MARCHF10: variants seen among roughly 807,000 people sequenced by gnomAD.
The protein encoded by MARCHF10 is membrane associated ring-CH-type finger 10.
MARCHF10 carries 64 observed loss-of-function variants against 76.2 expected under a neutral mutation model. That is an observed-to-expected ratio of 0.84 (90% CI 0.69 to 1.03). The LOEUF (loss-of-function observed/expected upper bound fraction) is 1.03. MARCHF10 is among the 50% of genes least tolerant of loss of function. The probability of loss-of-function intolerance (pLI) is 0.00; values close to 1 mark genes in which losing one functional copy is unlikely to be tolerated. For synonymous variants in MARCHF10, 340 were observed against 357.5 expected (o/e 0.95, Z 0.55); for missense variants, 875 against 958.0 (o/e 0.91, Z 1.14).
chr17:62,765,914 G>A (rs1193775622), intron 3 of MARCHF10, among the ~76,000 whole-genome samples: 1 of 152,074 alleles, frequency 6.6e-6, no homozygotes, highest in Non-Finnish European at 1.5e-5. Flanking sequence ...TTTAAAAACC[G>A]GAATGCAGCT....
intron 10 of MARCHF10, 146 bp from the exon 11 acceptor site, chr17:62,701,904 G>T: frequency 9.4e-7 from 1 of 1,066,050 alleles, no homozygotes; most frequent in Admixed American, 1.9e-5. Flanking sequence ...GAACCGTGTG[G>T]GGAACAGAGA....
In MARCHF10 at chr17:62,773,230, T is replaced by C. The variant is rs116185152; in HGVS notation, c.211-13224A>G. Among the ~76,000 whole-genome samples the C allele has an allele frequency of 6.7e-3, 1,015 of 152,146 alleles. 7 individuals are homozygous for C. The highest frequency in any genetic ancestry group is 0.023 in the African/African-American group (957 of 41,500). ...ACAATGGGAAACCAAGAGGAGCAGG[T>C]GGCTTTGCAGAAGCTCAGAAGGACA... is the stretch of plus-strand genomic sequence containing the variant. On this transcript the variant is annotated intron_variant, in intron 3 of 10. Coordinates refer to ENST00000311269, the MANE Select transcript of MARCHF10 (RefSeq NM_152598.4).
At chr17:62,791,664 C>A (rs2092845159) in intron 2 of MARCHF10, among the ~76,000 whole-genome samples, 2 of 152,142 alleles carry the variant, frequency 1.3e-5, no homozygotes, top group South Asian at 4.1e-4. Flanking sequence ...AACATGAATC[C>A]TCTCAAAGTT....
intron 3 of MARCHF10, among the ~76,000 whole-genome samples, chr17:62,783,438 C>T (rs1049051901): frequency 6.6e-5 from 10 of 151,620 alleles, no homozygotes. Context: ...GATCTAAAAT[C>T]GACACCCTAA....
At chr17:62,715,008 A>G (rs2090122465) in intron 8 of MARCHF10, among the ~76,000 whole-genome samples, 1 of 152,066 alleles carries the variant, frequency 6.6e-6, no homozygotes, top group Admixed American at 6.6e-5. Flanking sequence ...CGGCCTTTCA[A>G]AGTGTTGCGA....
intron 1 of MARCHF10, among the ~76,000 whole-genome samples, chr17:62,802,144 C>T (rs1348195188): frequency 6.6e-6 from 1 of 152,140 alleles, no homozygotes; most frequent in Non-Finnish European, 1.5e-5. Flanking sequence ...ATGATTGCAC[C>T]GTTATTTCCA....
rs1451072589 is a variant in MARCHF10 at position 62,705,589 on chromosome 17, AAAG to A, written c.2329-11_2329-9del. The stretch of plus-strand genomic sequence containing the variant: ...TGGGTAATTTCTTGACAACTACAAG[AAAG>A]AAGACAATGAGAAATGAATTGTTTT... On this transcript the variant is annotated splice_polypyrimidine_tract_variant and intron_variant, in intron 9 of 10. Coordinates refer to ENST00000311269, the MANE Select transcript of MARCHF10 (RefSeq NM_152598.4). 1.9e-5 allele frequency: 31 copies of A among 1,613,592 alleles called. No individual in the cohort carries two copies. The highest frequency in any genetic ancestry group is 2.5e-5 in the Non-Finnish European group (29 of 1,179,916).
At chr17:62,734,144 A>T (rs190112805) in intron 6 of MARCHF10, among the ~76,000 whole-genome samples, 83 of 152,264 alleles carry the variant, frequency 5.5e-4, no homozygotes, top group Admixed American at 1.6e-3. Flanking sequence ...CGATCATGCC[A>T]CTGCGCTCCA....
Position 62,759,980 on chromosome 17 carries a change from A to G in MARCHF10, c.237T>C (p.Thr79=), listed in dbSNP as rs1192352297. ...ATATCTTGATAGATGACCTTGGTTC[A>G]GTTAGAGCATCCTCCTCACTAGAAC... ...KQSSSEEDAL[T]EPRSSIKISA... The change falls in exon 4 of 11, where the codon ACT becomes ACC. Residue 79 remains threonine, a synonymous_variant. Coordinates refer to ENST00000311269, the MANE Select transcript of MARCHF10 (RefSeq NM_152598.4). 1 of 1,613,932 alleles carries G rather than the reference A, an allele frequency of 6.2e-7. No homozygotes were observed. The highest frequency in any genetic ancestry group is 2.2e-5 in the East Asian group (1 of 44,884).
At chr17:62,746,735 G>A (rs2091718558) in intron 4 of MARCHF10, 1 of 676,988 alleles carries the variant, frequency 1.5e-6, no homozygotes, top group Non-Finnish European at 2.5e-6. Context: ...CTGGCCCCAA[G>A]GTCCTGAGGA....
At position 62,722,585 on chromosome 17, in the gene MARCHF10, C is replaced by G. The variant is rs2090544854; in HGVS notation, c.2117G>C (p.Gly706Ala). The part of the protein sequence containing the change: ...KVKITSGADL[G>A]AVKTCEMCKQ... ...ACACATCTCACAGGTCTTCACGGCACCAAGATCTGCTCCTTAAATTGGATA... is the reference window on the plus strand; with the variant it reads ...ACACATCTCACAGGTCTTCACGGCAGCAAGATCTGCTCCTTAAATTGGATA... The change falls in exon 8 of 11, where the codon GGT (glycine) becomes GCT (alanine). Residue 706 changes from glycine to alanine, a missense_variant. Gly to Ala is a moderately conservative substitution (Grantham distance 60). Coordinates refer to ENST00000311269, the MANE Select transcript of MARCHF10 (RefSeq NM_152598.4). 2 of 1,613,454 alleles carry G rather than the reference C, an allele frequency of 1.2e-6. No individual in the cohort carries two copies. Among genetic ancestry groups the G allele is most frequent in the Non-Finnish European group, 1.7e-6 (2 of 1,179,730 alleles).
chr17:62,762,788 C>T (rs902778434), intron 3 of MARCHF10, among the ~76,000 whole-genome samples: 46 of 152,184 alleles, frequency 3.0e-4, no homozygotes, highest in African/African-American at 1.1e-3. Context: ...TCAGGCAAGC[C>T]GCCCGCCTTG....
At chr17:62,748,131 C>T (rs964262726) in intron 4 of MARCHF10, among the ~76,000 whole-genome samples, 2 of 152,200 alleles carry the variant, frequency 1.3e-5, no homozygotes, top group African/African-American at 4.8e-5. Flanking sequence ...GGCACGGTGG[C>T]TCACGCCTGT....
At chr17:62,721,681 C>T (rs780751148) in intron 8 of MARCHF10, among the ~76,000 whole-genome samples, 6 of 152,130 alleles carry the variant, frequency 3.9e-5, no homozygotes, top group Non-Finnish European at 7.4e-5. Context: ...ATTAGAAATG[C>T]AGTCCAAATA....
Position 62,711,389 on chromosome 17 carries a change from C to G in MARCHF10, c.2215-45G>C, listed in dbSNP as rs2089924099. ...CTCTTCAGTTCATCTGTAAAATAGT[C>G]ATGGTCTAAATTGTGGGATGCAGGG... On this transcript the variant is annotated intron_variant, in intron 8 of 10. Coordinates refer to ENST00000311269, the MANE Select transcript of MARCHF10 (RefSeq NM_152598.4). This position sits in a 1 kb window ranked among gnomAD's most constrained non-coding sequence, Gnocchi z 4.4. 2 of 1,576,270 alleles carry G rather than the reference C, an allele frequency of 1.3e-6. No individual in the cohort carries two copies. Among genetic ancestry groups the G allele is most frequent in the Non-Finnish European group, 1.7e-6 (2 of 1,146,886 alleles).
At chr17:62,717,311 G>A (rs930268341) in intron 8 of MARCHF10, among the ~76,000 whole-genome samples, 5 of 152,348 alleles carry the variant, frequency 3.3e-5, no homozygotes, top group South Asian at 2.1e-4. Context: ...CCCACAGGGC[G>A]GGCCTGGCAG....
rs2091294170 is a variant in MARCHF10 at position 62,736,936 on chromosome 17, G to A, written c.932C>T (p.Pro311Leu). The change falls in exon 6 of 11, where the codon CCT becomes CTT. Residue 311 changes from proline to leucine, a missense_variant. By Grantham distance (98) the Pro-to-Leu change is moderately conservative. Coordinates refer to ENST00000311269, the MANE Select transcript of MARCHF10 (RefSeq NM_152598.4). ...AAATCTACTTCTTTTGTGATGGGAA[G>A]GAGAACAGGGTGAGCGCACACCAAC... ...LWVGVRSPCS[P>L]SHHKRSRFGG... The A allele has an allele frequency of 6.2e-7, 1 of 1,614,040 alleles. No individual in the cohort carries two copies. Among genetic ancestry groups the A allele is most frequent in the Non-Finnish European group, 8.5e-7 (1 of 1,180,044 alleles).
At chr17:62,703,146 C>T (rs1408100652) in intron 10 of MARCHF10, among the ~76,000 whole-genome samples, 1 of 152,188 alleles carries the variant, frequency 6.6e-6, no homozygotes, top group Admixed American at 6.5e-5. Flanking sequence ...GGCTTTGGTT[C>T]TCACGTGCAA....
intron 2 of MARCHF10, among the ~76,000 whole-genome samples, chr17:62,795,298 A>C (rs915855594): frequency 6.8e-6 from 1 of 147,110 alleles, no homozygotes; most frequent in Non-Finnish European, 1.5e-5. Context: ...CTTTGCCTTC[A>C]GCTTTCCAGT....
Sources: gnomAD v4.1 joint callset for allele counts (sites outside exome capture counted in the v4.1 genomes callset) on GRCh38, gnomAD v4.1.1 for gene constraint, Gnocchi (gnomAD v3.1) non-coding constraint, MANE v1.5 for transcripts, NCBI Gene and HGNC (gene_info 2026-07-23, HGNC 2026-07-21) for gene names.